USP20: variants seen among roughly 807,000 people sequenced by gnomAD.
The protein encoded by USP20 is ubiquitin carboxyl-terminal hydrolase 20.
Under a neutral mutation model 124.2 loss-of-function variants are expected in USP20, and 80 were observed. The ratio of observed to expected loss-of-function variants is 0.64; its 90% confidence interval spans 0.54 to 0.78. The LOEUF (loss-of-function observed/expected upper bound fraction) is 0.78, where lower values mean the gene tolerates loss of function less well. USP20 is among the 30% of genes least tolerant of loss of function. The probability of loss-of-function intolerance (pLI) is 0.00; values close to 1 mark genes in which losing one functional copy is unlikely to be tolerated. For synonymous variants in USP20, 481 were observed against 512.3 expected (o/e 0.94, Z 0.83); for missense variants, 1,043 against 1,244.4 (o/e 0.84, Z 2.44).
At chr9:129,869,099 G>T in intron 12 of USP20, 97 bp downstream of exon 12, 1 of 1,472,994 alleles carries the variant, frequency 6.8e-7, no homozygotes, top group Non-Finnish European at 9.0e-7. Context: ...GGAGGGCCGG[G>T]CTATGGGCTC....
At chr9:129,876,904 T>C (rs1229370315) in intron 22 of USP20, among the ~76,000 whole-genome samples, 1 of 152,100 alleles carries the variant, frequency 6.6e-6, no homozygotes, top group Non-Finnish European at 1.5e-5. Context: ...TACCCACTAG[T>C]GCTAGTGACA....
chr9:129,845,912 T>G (rs771827349), intron 1 of USP20, among the ~76,000 whole-genome samples: 66 of 152,024 alleles, frequency 4.3e-4, no homozygotes, highest in Non-Finnish European at 8.4e-4. Context: ...TAATAGGTTT[T>G]TTTTGTTTTG....
rs2034328563 is a variant in USP20, at chr9:129,875,159, CAG to C, written c.2049-150_2049-149del. 12 of 1,227,458 alleles carry C rather than the reference CAG, an allele frequency of 9.8e-6. No individual in the cohort carries two copies. In the East Asian group the frequency reaches 1.3e-4, roughly 13 times the overall value. The allele number at this position is 1,227,458 out of a possible 1,614,324, so 76.0% of individuals were successfully genotyped here. The stretch of plus-strand genomic sequence containing the variant: ...TTCTCCAGGGCCCTGGCTGGCGGCA[CAG>C]GGGGCTGCTCACATGTCCAGGACCC... On this transcript the variant is annotated intron_variant, in intron 19 of 25. Coordinates refer to ENST00000372429, the MANE Select transcript of USP20 (RefSeq NM_001110303.4).
Position 129,868,923 on chromosome 9 carries a change from C to T in USP20, c.1197C>T (p.His399=), listed in dbSNP as rs368526693. ...GCCCCTGCAGCCCCGTCCACCACCA[C>T]GAGGGCCATGCCAAGCTGTCTAGCA... The part of the protein sequence containing the change: ...SSRPCSPVHH[H]EGHAKLSSSP... Residue 399 remains histidine, a synonymous_variant, in exon 12 of 26, where the codon CAC becomes CAT. Transcript: ENST00000372429. The T allele has an allele frequency of 8.7e-6, 14 of 1,612,324 alleles. No individual in the cohort carries two copies. The highest frequency in any genetic ancestry group is 4.5e-5 in the East Asian group (2 of 44,808).
At chr9:129,866,643 C>T (rs574939894) in intron 10 of USP20, among the ~76,000 whole-genome samples, 13 of 152,328 alleles carry the variant, frequency 8.5e-5, no homozygotes, top group South Asian at 2.1e-4. Context: ...ATCTGGGCTC[C>T]GGCAGAAGCA....
Position 129,880,553 on chromosome 9 carries a change from A to C in USP20, c.*103A>C. The C allele has an allele frequency of 2.2e-6, 1 of 452,736 alleles. No homozygotes were observed. The highest frequency in any genetic ancestry group is 4.0e-6 in the Non-Finnish European group (1 of 248,866). 28.0% of individuals were successfully genotyped at this position (452,736 alleles called of 1,614,324 possible). ...AGAACCCCGCCGTGTAAAGAGGCAG[A>C]AAAGTTGGTTTGGTTTGCAGTAACG... On this transcript the variant is annotated 3_prime_UTR_variant, in exon 26 of 26. Transcript: ENST00000372429.
Position 129,880,230 on chromosome 9 carries a change from T to TGCACGGGGAGCAGAAGATCGAAGCCGAG in USP20, c.2703_2730dup (p.Thr911AlafsTer164), listed in dbSNP as rs776566591. The stretch of plus-strand genomic sequence containing the variant: ...GCGCAGCCGCTGGGCCCAGAGAACC[T>TGCACGGGGAGCAGAAGATCGAAGCCGAG]GCACGGGGAGCAGAAGATCGAAGCC... On this transcript the variant is annotated frameshift_variant, in exon 25 of 26. Coordinates refer to ENST00000372429, the MANE Select transcript of USP20 (RefSeq NM_001110303.4). LOFTEE classifies it high-confidence loss of function. 2.5e-6 allele frequency: 4 copies of TGCACGGGGAGCAGAAGATCGAAGCCGAG among 1,612,784 alleles called. No homozygotes were observed.
At position 129,872,585 on chromosome 9, in the gene USP20, A is replaced by G. The variant is rs566866227; in HGVS notation, c.1661-897A>G. Among the ~76,000 whole-genome samples the G allele has an allele frequency of 2.6e-5, 4 of 152,314 alleles. No homozygotes were observed. In the South Asian group the frequency reaches 8.3e-4, roughly 32 times the overall value. Reference sequence around the variant, plus strand: ...GCCTGCACCTTTGGTGTTGTGTTTCAGAGATCATCGCCAGATCCAATGTCA... The same window carrying G: ...GCCTGCACCTTTGGTGTTGTGTTTCGGAGATCATCGCCAGATCCAATGTCA... On this transcript the variant is annotated intron_variant, in intron 15 of 25. Coordinates refer to ENST00000372429, the MANE Select transcript of USP20 (RefSeq NM_001110303.4).
At chr9:129,846,951 C>G (rs2032613885) in intron 1 of USP20, among the ~76,000 whole-genome samples, 1 of 152,126 alleles carries the variant, frequency 6.6e-6, no homozygotes. Flanking sequence ...GAGTAGGTGT[C>G]TTTAGGGTTC....
At chr9:129,854,510 T>C (rs923405133) in intron 3 of USP20, among the ~76,000 whole-genome samples, 2 of 152,150 alleles carry the variant, frequency 1.3e-5, no homozygotes, top group African/African-American at 4.8e-5. Flanking sequence ...AATCACCCCC[T>C]CAAGATCCAG....
intron 4 of USP20, 32 bp from the exon 5 acceptor site, chr9:129,858,018 C>T (rs1425685272): frequency 2.5e-6 from 4 of 1,601,264 alleles, no homozygotes; most frequent in East Asian, 2.2e-5. Flanking sequence ...TTTTGGCAAG[C>T]TCCAGTCCAC....
intron 3 of USP20, among the ~76,000 whole-genome samples, chr9:129,855,434 AC>A (rs34641399): frequency 0.83 from 115,182 of 138,246 alleles, 47,972 homozygotes; most frequent in East Asian, 0.97. Flanking sequence ...CCATCTCAAA[AC>A]AAAAAAAAAA....
At chr9:129,852,442 A>G (rs2032974605) in intron 2 of USP20, 98 bp from the exon 3 acceptor site, 8 of 998,858 alleles carry the variant, frequency 8.0e-6, no homozygotes, top group Non-Finnish European at 1.2e-5. Flanking sequence ...GTGGCAGACC[A>G]GGACTCAAGG....
In USP20 at chr9:129,871,738, C is replaced by T. The variant is rs557193450; in HGVS notation, c.1660+1191C>T. 1.4e-4 allele frequency among the ~76,000 whole-genome samples: 22 copies of T among 152,238 alleles called. No homozygotes were observed. In the East Asian group the frequency reaches 1.7e-3, roughly 12 times the overall value. On this transcript the variant is annotated intron_variant, in intron 15 of 25. Transcript: ENST00000372429. ...GTTTTGTTTTGTTTTGTTTTTGAGA[C>T]GGAGTCTCTCTCTTGACGCCCAGGC... is the stretch of plus-strand genomic sequence containing the variant.
chr9:129,863,324 G>A (rs754209632), intron 9 of USP20, 25 bp downstream of exon 9: 105 of 1,516,358 alleles, frequency 6.9e-5, no homozygotes, highest in African/African-American at 4.6e-4. Flanking sequence ...CCCTAGCCTT[G>A]GGCGGTGTGT....
chr9:129,854,949 G>A (rs1304107467), intron 3 of USP20, among the ~76,000 whole-genome samples: 4 of 152,150 alleles, frequency 2.6e-5, no homozygotes, highest in Admixed American at 6.5e-5. Flanking sequence ...CACCCTGGGG[G>A]AAGCCAGGCT....
rs1256609114 is a variant in USP20 at position 129,861,545 on chromosome 9, C to T, written c.430C>T (p.Leu144Phe). Residue 144 changes from leucine to phenylalanine, a missense_variant and splice_region_variant, in exon 8 of 26, where the codon CTC becomes TTC. Physicochemically the swap from Leu to Phe is conservative, Grantham distance 22. Transcript: ENST00000372429. ...TCCCCGTTGTGTTTATTTCCCAGGCCTCACGGGCATGAAGAACCTCGGGAA... is the reference window on the plus strand; with the variant it reads ...TCCCCGTTGTGTTTATTTCCCAGGCTTCACGGGCATGAAGAACCTCGGGAA... ...SEDDDLKPRG[L>F]TGMKNLGNSC... The T allele has an allele frequency of 6.2e-7, 1 of 1,614,116 alleles. No homozygotes were observed. Among genetic ancestry groups the T allele is most frequent in the Non-Finnish European group, 8.5e-7 (1 of 1,180,018 alleles).
At chr9:129,863,833 C>T (rs932864820) in intron 9 of USP20, among the ~76,000 whole-genome samples, 7 of 152,170 alleles carry the variant, frequency 4.6e-5, no homozygotes, top group South Asian at 2.1e-4. Flanking sequence ...TAGGGCCAGG[C>T]GCAGTGGCTC....
At chr9:129,837,786 G>A (rs899888909) in intron 1 of USP20, among the ~76,000 whole-genome samples, 5 of 152,224 alleles carry the variant, frequency 3.3e-5, no homozygotes, top group African/African-American at 4.8e-5. Context: ...GACAGATAAA[G>A]CAGTGGATTG....
Sources: allele counts gnomAD v4.1 joint callset (sites outside exome capture counted in the v4.1 genomes callset), GRCh38; gene constraint gnomAD v4.1.1; transcripts MANE v1.5; gene names NCBI Gene and HGNC (gene_info 2026-07-23, HGNC 2026-07-21).